RGP1: variants seen among roughly 807,000 people sequenced by gnomAD.
The protein encoded by RGP1 is RGP1 partner of RAB6A GEF complex.
A neutral mutation model predicts 44.5 loss-of-function variants in RGP1; 28 were observed. The observed-to-expected ratio is 0.63, with a 90% CI of 0.47 to 0.86. RGP1 has a LOEUF of 0.86. Among genes scored for constraint, RGP1 ranks in the 40% least tolerant of loss-of-function variants. The pLI is 0.00. For missense variants in RGP1, 417 were observed against 490.7 expected (o/e 0.85, Z 1.42); for synonymous variants, 212 against 196.7 (o/e 1.08, Z -0.65).
chr9:35,766,571 A>AT, the RGP1 span, among the ~76,000 whole-genome samples: 106 of 152,094 alleles, frequency 7.0e-4, 2 homozygotes, highest in East Asian at 0.019. Context: ...GGTCACAAAG[A>AT]TTTTTTTCCT....
At chr9:35,778,934 A>C in the RGP1 span, among the ~76,000 whole-genome samples, 1 of 152,140 alleles carries the variant, frequency 6.6e-6, no homozygotes, top group Non-Finnish European at 1.5e-5. Flanking sequence ...TGAACTTTCA[A>C]ACTCCTGGTT....
rs763721035 is a variant in RGP1, at chr9:35,751,308, C to T, written c.530C>T (p.Pro177Leu). 1 of 1,614,002 alleles carries T rather than the reference C, an allele frequency of 6.2e-7. No homozygotes were observed. The highest frequency in any genetic ancestry group is 2.2e-5 in the East Asian group (1 of 44,884). ...TTTCCCCAGGATGAGGCTGTAGCCC[C>T]ATCCAGTCCATTCTTGGAGGAGGAT... is the stretch of plus-strand genomic sequence containing the variant. ...VRFPQDEAVA[P>L]SSPFLEEDEG... The change falls in exon 6 of 9, where the codon CCA (proline) becomes CTA (leucine). Residue 177 changes from proline to leucine, a missense_variant. Coordinates refer to ENST00000378078, the MANE Select transcript of RGP1 (RefSeq NM_001080496.3).
At chr9:35,787,097 CAA>C in the RGP1 span, among the ~76,000 whole-genome samples, 5,889 of 131,988 alleles carry the variant, frequency 0.045, 226 homozygotes, top group African/African-American at 0.1. Flanking sequence ...AAGACTCTGT[CAA>C]AAAAAAAAAT....
At chr9:35,774,828 T>A in the RGP1 span, among the ~76,000 whole-genome samples, 1 of 152,166 alleles carries the variant, frequency 6.6e-6, no homozygotes, top group African/African-American at 2.4e-5. Context: ...CTATAATCTT[T>A]TCAGTGTTTT....
At chr9:35,781,990 T>G in the RGP1 span, among the ~76,000 whole-genome samples, 4 of 145,356 alleles carry the variant, frequency 2.8e-5, no homozygotes, top group South Asian at 6.7e-4. Context: ...CTCGTTTTTT[T>G]TTTTTTTTTT....
At chr9:35,782,879 G>A in the RGP1 span, among the ~76,000 whole-genome samples, 1 of 151,036 alleles carries the variant, frequency 6.6e-6, no homozygotes, top group Non-Finnish European at 1.5e-5. Flanking sequence ...TGTGATCTCG[G>A]CTCACTGCAA....
intron 5 of RGP1, 76 bp downstream of exon 5, chr9:35,751,065 G>A (rs1470004160): frequency 6.4e-7 from 1 of 1,570,008 alleles, no homozygotes; most frequent in Non-Finnish European, 8.7e-7. Context: ...GGGCTTGCAA[G>A]AGGGACTGCA....
At chr9:35,751,567 C>T in intron 6 of RGP1, 60 bp from the exon 7 acceptor site, 3 of 1,609,448 alleles carry the variant, frequency 1.9e-6, no homozygotes, top group Non-Finnish European at 2.6e-6. Context: ...CCTGTGGTGC[C>T]CAGTCCTAGA....
the RGP1 span, among the ~76,000 whole-genome samples, chr9:35,771,316 T>C: frequency 2.8e-4 from 42 of 152,172 alleles, no homozygotes; most frequent in Admixed American, 2.6e-3. Context: ...AGATGCTTCC[T>C]TTACCCCTTC....
At chr9:35,781,627 T>G in the RGP1 span, among the ~76,000 whole-genome samples, 2 of 152,262 alleles carry the variant, frequency 1.3e-5, no homozygotes, top group African/African-American at 4.8e-5. Context: ...ACACTGGCAA[T>G]ACCTTTTAGG....
In RGP1 at chr9:35,749,894, T is replaced by G. The variant is rs1406153568; in HGVS notation, c.116+23T>G. 1 of 1,559,212 alleles carries G rather than the reference T, an allele frequency of 6.4e-7. No individual in the cohort carries two copies. The highest frequency in any genetic ancestry group is 1.7e-5 in the Admixed American group (1 of 58,006). On this transcript the variant is annotated intron_variant, in intron 2 of 8. Coordinates refer to ENST00000378078, the MANE Select transcript of RGP1 (RefSeq NM_001080496.3). This position sits in a 1 kb window ranked among gnomAD's most constrained non-coding sequence, Gnocchi z 4.4. ...CAGGTGGGGATGCTGGCACTGAAGGTGGTGGCCCTTCTGGGAAGAAGCCAG... is the reference window on the plus strand; with the variant it reads ...CAGGTGGGGATGCTGGCACTGAAGGGGGTGGCCCTTCTGGGAAGAAGCCAG...
the RGP1 span, among the ~76,000 whole-genome samples, chr9:35,782,008 A>G: frequency 2.8e-5 from 3 of 107,086 alleles, no homozygotes; most frequent in African/African-American, 1.1e-4. Context: ...TTTTTTTGAG[A>G]TAGAGTCTCA....
chr9:35,775,497 T>C, the RGP1 span, among the ~76,000 whole-genome samples: 1 of 152,018 alleles, frequency 6.6e-6, no homozygotes, highest in African/African-American at 2.4e-5. Context: ...TAGTCTGGCT[T>C]CTCTCGTTCA....
At chr9:35,763,378 C>T (rs530995970), downstream of RGP1, among the ~76,000 whole-genome samples, 3 of 152,282 alleles carry the variant, frequency 2.0e-5, no homozygotes, top group South Asian at 2.1e-4. Flanking sequence ...GTGAGATTAA[C>T]GGAGTCCCTC....
At position 35,752,066 on chromosome 9, in the gene RGP1, A is replaced by G. The variant is rs951244483; in HGVS notation, c.873A>G (p.Glu291=). Residue 291 remains glutamate, a synonymous_variant, in exon 8 of 9, where the codon GAA becomes GAG. Transcript: ENST00000378078. The stretch of plus-strand genomic sequence containing the variant: ...ATGTGACTCACGCCCGGCACCAGGA[A>G]TCCTGCCTACATACAACTAGAACCA... The part of the protein sequence containing the change: ...VSHVTHARHQ[E]SCLHTTRTSF... 1 of 1,611,048 alleles carries G rather than the reference A, an allele frequency of 6.2e-7. No individual in the cohort carries two copies. The highest frequency in any genetic ancestry group is 1.1e-5 in the South Asian group (1 of 90,648).
downstream of RGP1, among the ~76,000 whole-genome samples, chr9:35,761,710 AC>A: frequency 6.6e-6 from 1 of 152,160 alleles, no homozygotes; most frequent in East Asian, 1.9e-4. Flanking sequence ...CCCCAAAAAA[AC>A]AAAAACAACC....
chr9:35,770,603 G>C, the RGP1 span, among the ~76,000 whole-genome samples: 7 of 151,950 alleles, frequency 4.6e-5, no homozygotes, highest in Non-Finnish European at 1.0e-4. Context: ...GGGGCAGGTA[G>C]AGAAGGAAGG....
chr9:35,749,329 C>T lies in RGP1; in HGVS notation c.-99C>T, dbSNP rs1225194336. The T allele has an allele frequency of 1.9e-6, 1 of 529,524 alleles. No homozygotes were observed. The highest frequency in any genetic ancestry group is 2.0e-5 in the Admixed American group (1 of 50,512). 32.8% of individuals were successfully genotyped at this position (529,524 alleles called of 1,614,324 possible). ...CCAGCGGACGCCGCCGCCGCCGCCG[C>T]CGCCGCGTACCTAGCCAGGTCCCTG... On this transcript the variant is annotated 5_prime_UTR_variant, in exon 1 of 9. Transcript: ENST00000378078. This position sits in a 1 kb window ranked among gnomAD's most constrained non-coding sequence, Gnocchi z 4.4.
At chr9:35,786,118 G>A in the RGP1 span, among the ~76,000 whole-genome samples, 1,033 of 152,324 alleles carry the variant, frequency 6.8e-3, 13 homozygotes, top group African/African-American at 0.024. Context: ...TCTAAGCAGA[G>A]CAGAAGATTA....
Sources: allele counts gnomAD v4.1 joint callset (sites outside exome capture counted in the v4.1 genomes callset), GRCh38; gene constraint gnomAD v4.1.1; non-coding constraint Gnocchi (gnomAD v3.1); transcripts MANE v1.5; gene names NCBI Gene and HGNC (gene_info 2026-07-23, HGNC 2026-07-21).